Variants in SSC4D observed in about 807,000 individuals in gnomAD.
The protein encoded by SSC4D is scavenger receptor cysteine-rich domain-containing group B protein.
A neutral mutation model predicts 63.4 loss-of-function variants in SSC4D; 57 were observed. That is an observed-to-expected ratio of 0.90 (90% CI 0.73 to 1.12). The LOEUF is 1.12. SSC4D is among the 50% of genes most tolerant of loss of function. The probability of loss-of-function intolerance (pLI) is 0.00; values close to 1 mark genes in which losing one functional copy is unlikely to be tolerated. For missense variants in SSC4D, 791 were observed against 806.4 expected (o/e 0.98, Z 0.23); for synonymous variants, 352 against 345.4 (o/e 1.02, Z -0.21).
At chr7:76,392,783 ACT>A (rs1014073012) in intron 9 of SSC4D, among the ~76,000 whole-genome samples, 6 of 151,176 alleles carry the variant, frequency 4.0e-5, no homozygotes, top group African/African-American at 9.7e-5. Context: ...ACAGAGCAAG[ACT>A]CTGTCTCAAA....
chr7:76,404,404 C>T lies in SSC4D; in HGVS notation c.36G>A (p.Gln12=). 1.2e-6 allele frequency: 2 copies of T among 1,614,094 alleles called. No homozygotes were observed. The highest frequency in any genetic ancestry group is 1.7e-6 in the Non-Finnish European group (2 of 1,180,022). ...HKEAEMLIGP[Q]LDEKRWGWRL... ...TCCACCCCCAGCGCTTCTCATCCAG[C>T]TGGGGACCAATTAGCATCTCTGCTT... Residue 12 remains glutamine (Q), a synonymous_variant, in exon 2 of 11, where the codon CAG becomes CAA. Coordinates refer to ENST00000275560, the MANE Select transcript of SSC4D (RefSeq NM_080744.2).
At position 76,397,715 on chromosome 7, in the gene SSC4D, GCGGCATC is replaced by G; in HGVS notation, c.664_670del (p.Asp222LeufsTer197). The G allele has an allele frequency of 1.2e-6, 2 of 1,613,360 alleles. No individual in the cohort carries two copies. The highest frequency in any genetic ancestry group is 1.7e-6 in the Non-Finnish European group (2 of 1,179,850). On this transcript the variant is annotated frameshift_variant, in exon 6 of 11. Transcript: ENST00000275560. LOFTEE classifies it high-confidence loss of function. Reference sequence around the variant, plus strand: ...GCAGCCCAGCTGACGACAGACCACAGCGGCATCCGGCAGCCCCCAGTCGTCGTCACAC... The same window carrying G: ...GCAGCCCAGCTGACGACAGACCACAGCGGCAGCCCCCAGTCGTCGTCACAC...
chr7:76,391,911 G>A, intron 10 of SSC4D, 53 bp downstream of exon 10: 1 of 1,532,218 alleles, frequency 6.5e-7, no homozygotes, highest in South Asian at 1.2e-5. Flanking sequence ...CCCAATCCAG[G>A]TCCTTAAGAC....
At chr7:76,397,483 G>C (rs1256108773) in intron 6 of SSC4D, 35 bp downstream of exon 6, 1 of 1,449,006 alleles carries the variant, frequency 6.9e-7, no homozygotes, top group Admixed American at 2.7e-5. Flanking sequence ...CCGCCCACCT[G>C]CCCCGGCCCC....
At chr7:76,402,032 C>T (rs6961135) in intron 2 of SSC4D, among the ~76,000 whole-genome samples, 77,832 of 151,626 alleles carry the variant, frequency 0.51, 20,827 homozygotes, top group African/African-American at 0.64. Flanking sequence ...TCTTCTTCTT[C>T]TTTTTAAGAC....
chr7:76,394,345 A>G (rs1345655448), intron 7 of SSC4D, among the ~76,000 whole-genome samples: 3 of 151,906 alleles, frequency 2.0e-5, no homozygotes, highest in Non-Finnish European at 2.9e-5. Flanking sequence ...CCTGGCCTCA[A>G]GTGATCCTCC....
chr7:76,390,519 AAAGT>A, intron 10 of SSC4D, 144 bp from the exon 11 acceptor site: 1 of 776,862 alleles, frequency 1.3e-6, no homozygotes, highest in South Asian at 2.0e-5. Flanking sequence ...ACATGAAATT[AAAGT>A]AAGATTGGCG....
At chr7:76,401,119 A>T in intron 2 of SSC4D, 76 bp from the exon 3 acceptor site, 1 of 1,465,718 alleles carries the variant, frequency 6.8e-7, no homozygotes, top group Non-Finnish European at 9.1e-7. Flanking sequence ...ACACCCCCCA[A>T]CTCCCACAGT....
At chr7:76,390,517 T>G in intron 10 of SSC4D, 142 bp from the exon 11 acceptor site, 1 of 781,814 alleles carries the variant, frequency 1.3e-6, no homozygotes. Context: ...ACACATGAAA[T>G]TAAAGTAAGA....
intron 10 of SSC4D, 60 bp downstream of exon 10, chr7:76,391,904 A>G: frequency 3.3e-6 from 5 of 1,513,566 alleles, no homozygotes; most frequent in Middle Eastern, 1.7e-4. Context: ...GACCTCCCCC[A>G]ATCCAGGTCC....
chr7:76,401,145 C>T (rs1685371095), intron 2 of SSC4D, 102 bp from the exon 3 acceptor site: 1 of 1,403,464 alleles, frequency 7.1e-7, no homozygotes, highest in Non-Finnish European at 9.4e-7. Context: ...ACATTACCCC[C>T]ATCTTCTTGG....
chr7:76,399,136 T>G (rs1020499060), intron 4 of SSC4D, among the ~76,000 whole-genome samples: 17 of 152,172 alleles, frequency 1.1e-4, no homozygotes, highest in African/African-American at 4.1e-4. Context: ...CTCAGCCTCC[T>G]GAGTAGCTGG....
Position 76,390,351 on chromosome 7 carries a change from G to A in SSC4D, c.1436C>T (p.Ala479Val). ...CTCTACACGTCCCTCGCATCGGTGG[G>A]CTCCATTGACCAGACGTAGATGCCC... is the stretch of plus-strand genomic sequence containing the variant. ...RDGHLRLVNG[A>V]HRCEGRVELY... The change falls in exon 11 of 11, where the codon GCC (alanine) becomes GTC (valine). Residue 479 changes from alanine (A) to valine (V), a missense_variant. Physicochemically the swap from Ala to Val is moderately conservative, Grantham distance 64. Transcript: ENST00000275560. 6.3e-7 allele frequency: 1 copy of A among 1,599,460 alleles called. No homozygotes were observed. The highest frequency in any genetic ancestry group is 8.5e-7 in the Non-Finnish European group (1 of 1,171,772).
intron 6 of SSC4D, among the ~76,000 whole-genome samples, chr7:76,396,270 A>G (rs552548022): frequency 1.3e-5 from 2 of 152,310 alleles, no homozygotes; most frequent in Non-Finnish European, 2.9e-5. Context: ...TCCATGAGAT[A>G]CGCCCACTCG....
intron 5 of SSC4D, 89 bp from the exon 6 acceptor site, chr7:76,397,921 A>G (rs1804695046): frequency 7.6e-7 from 1 of 1,315,322 alleles, no homozygotes; most frequent in Non-Finnish European, 1.0e-6. Context: ...CCCAGGATCT[A>G]CAACCCTTGG....
In SSC4D at chr7:76,393,665, T is replaced by G. The variant is rs937146144; in HGVS notation, c.1073A>C (p.Glu358Ala). Residue 358 changes from glutamate to alanine, a missense_variant, in exon 9 of 11, where the codon GAG becomes GCG. Glu to Ala is a moderately radical substitution (Grantham distance 107). Transcript: ENST00000275560. ...GCCCCAGCCCCCGGCGTGCAACACC[T>G]CCACGCGGCCGCGGCACGGACCCGG... Reference protein sequence around the residue: ...GGPGPCRGRVEVLHAGGWGTV... With the variant: ...GGPGPCRGRVAVLHAGGWGTV... 2 of 1,445,366 alleles carry G rather than the reference T, an allele frequency of 1.4e-6. No homozygotes were observed. Among genetic ancestry groups the G allele is most frequent in the Non-Finnish European group, 1.8e-6 (2 of 1,105,990 alleles). 89.5% of individuals were successfully genotyped at this position (1,445,366 alleles called of 1,614,324 possible).
chr7:76,406,540 G>A (rs1277162895), intron 1 of SSC4D, among the ~76,000 whole-genome samples: 1 of 151,766 alleles, frequency 6.6e-6, no homozygotes, highest in Non-Finnish European at 1.5e-5. Flanking sequence ...CGGCAGTGCA[G>A]TGGCATGATC....
Position 76,397,094 on chromosome 7 carries a change from T to C in SSC4D, c.868+424A>G, listed in dbSNP as rs551826941. Reference sequence around the variant, plus strand: ...GCAATAGTACAGTTTTTTTGTTTGTTTGTTTTGAGATGGAGTCTGTCTCTG... The same window carrying C: ...GCAATAGTACAGTTTTTTTGTTTGTCTGTTTTGAGATGGAGTCTGTCTCTG... On this transcript the variant is annotated intron_variant, in intron 6 of 10. Coordinates refer to ENST00000275560, the MANE Select transcript of SSC4D (RefSeq NM_080744.2). 1.2e-4 allele frequency among the ~76,000 whole-genome samples: 19 copies of C among 152,238 alleles called. No individual in the cohort carries two copies. In the South Asian group the frequency reaches 2.7e-3, roughly 22 times the overall value.
intron 5 of SSC4D, 139 bp downstream of exon 5, chr7:76,398,572 TGGGATTACA>T (rs1804714990): frequency 2.9e-5 from 25 of 868,666 alleles, no homozygotes; most frequent in Non-Finnish European, 4.4e-5. Flanking sequence ...CCCAAAGTGC[TGGGATTACA>T]GGTGTGAGCC....
Sources: allele counts gnomAD v4.1 joint callset (sites outside exome capture counted in the v4.1 genomes callset), GRCh38; gene constraint gnomAD v4.1.1; transcripts MANE v1.5; gene names NCBI Gene and HGNC (gene_info 2026-07-23, HGNC 2026-07-21).